MLXIP: variants seen among roughly 807,000 people sequenced by gnomAD.
MLXIP encodes MLX-interacting protein.
MLXIP carries 30 observed loss-of-function variants against 87.2 expected under a neutral mutation model. The ratio of observed to expected loss-of-function variants is 0.34; its 90% CI spans 0.26 to 0.47. The LOEUF (loss-of-function observed/expected upper bound fraction) is 0.47. Ranked by LOEUF, MLXIP falls within the 20% of genes least tolerant of loss-of-function variation. MLXIP has a pLI of 1.00. For missense variants in MLXIP, 1,002 were observed against 1,240.1 expected, an observed-to-expected ratio of 0.81 and a Z score of 2.88; for synonymous variants, 530 against 514.0, an observed-to-expected ratio of 1.03 and a Z score of -0.42.
At chr12:122,087,113 G>C (rs761871622) in intron 1 of MLXIP, among the ~76,000 whole-genome samples, 1 of 152,188 alleles carries the variant, frequency 6.6e-6, no homozygotes, top group Non-Finnish European at 1.5e-5. Context: ...GGCTAATTGA[G>C]AGGGAGCCTG....
rs1224302321 is a variant in MLXIP, at chr12:122,136,459, C to CAAAAAAAAAAAA, written c.2032+805_2032+816dup. 6 of 28,138 alleles carry CAAAAAAAAAAAA rather than the reference C, an allele frequency of 2.1e-4. 1 individual carries two copies. The highest frequency in any genetic ancestry group is 2.8e-4 in the African/African-American group (3 of 10,680). 1.7% of individuals were successfully genotyped at this position (28,138 alleles called of 1,614,324 possible). A position where few individuals can be genotyped will look rare whatever the true frequency, so the allele number is the denominator to read the frequency against. On this transcript the variant is annotated intron_variant, in intron 11 of 16. Transcript: ENST00000319080. ...GAAACCTTGTCCCTATCAAAAAATGCAAAAAAAAAAAAAAAAAAAAAAAGC... is the reference window on the plus strand; with the variant it reads ...GAAACCTTGTCCCTATCAAAAAATGCAAAAAAAAAAAAAAAAAAAAAAAAAAAAAAAAAAAGC...
intron 1 of MLXIP, among the ~76,000 whole-genome samples, chr12:122,100,473 T>C (rs1039149885): frequency 1.3e-5 from 2 of 152,260 alleles, no homozygotes; most frequent in African/African-American, 4.8e-5. Context: ...TTTTTGCTGC[T>C]TTCTTGAACA....
rs552791948 is a variant in MLXIP, at chr12:122,135,736, G to C, written c.2032+70G>C. 61 of 1,431,900 alleles carry C rather than the reference G, an allele frequency of 4.3e-5. No individual in the cohort carries two copies. Among genetic ancestry groups the C allele is most frequent in the African/African-American group, 4.0e-4 (28 of 69,546 alleles). 88.7% of individuals were successfully genotyped at this position (1,431,900 alleles called of 1,614,324 possible). A position where few individuals can be genotyped will look rare whatever the true frequency, so the allele number is the denominator to read the frequency against. ...TAACTGGGCCTGCCGTAGACCATGG[G>C]GGGTGCTTGCTGGGTCCCCAGGACG... On this transcript the variant is annotated intron_variant, in intron 11 of 16. Coordinates refer to ENST00000319080, the MANE Select transcript of MLXIP (RefSeq NM_014938.6). This position sits in a 1 kb window ranked among gnomAD's most constrained non-coding sequence, Gnocchi z 5.3.
At chr12:122,104,227 A>G (rs1302130098) in intron 1 of MLXIP, among the ~76,000 whole-genome samples, 1 of 152,240 alleles carries the variant, frequency 6.6e-6, no homozygotes, top group Non-Finnish European at 1.5e-5. Context: ...TGGCAAATGT[A>G]TGCACACATG....
intron 1 of MLXIP, among the ~76,000 whole-genome samples, chr12:122,107,320 T>A (rs1485059299): frequency 6.6e-6 from 1 of 152,138 alleles, no homozygotes; most frequent in Non-Finnish European, 1.5e-5. Flanking sequence ...GGGATGCATT[T>A]GCATTTTCCT....
intron 1 of MLXIP, among the ~76,000 whole-genome samples, chr12:122,096,628 G>C (rs1212455254): frequency 6.6e-6 from 1 of 152,250 alleles, no homozygotes; most frequent in Non-Finnish European, 1.5e-5. Flanking sequence ...GAGTCCGGGA[G>C]TGGAAGCTCC....
chr12:122,135,366 A>C lies in MLXIP; in HGVS notation c.1854+21A>C, dbSNP rs780500498. 6.2e-7 allele frequency: 1 copy of C among 1,607,728 alleles called. No individual in the cohort carries two copies. The highest frequency in any genetic ancestry group is 1.7e-5 in the Admixed American group (1 of 59,660). ...CCAGGGTGAGGAGGGCCCTAGGCAG[A>C]CCTGCAGTGTCCTTCTCACCCCGGA... On this transcript the variant is annotated intron_variant, in intron 10 of 16. Coordinates refer to ENST00000319080, the MANE Select transcript of MLXIP (RefSeq NM_014938.6). The surrounding 1 kb of genome is among the most constrained non-coding windows in gnomAD (Gnocchi z 5.3).
intron 1 of MLXIP, among the ~76,000 whole-genome samples, chr12:122,086,059 C>T (rs1041706149): frequency 2.0e-5 from 3 of 152,156 alleles, no homozygotes; most frequent in African/African-American, 7.2e-5. Context: ...AGGATGTCAG[C>T]TGCTGTTGGC....
chr12:122,084,144 TTGTGTGTGTGTGTG>T (rs746678463), intron 1 of MLXIP, among the ~76,000 whole-genome samples: 5,037 of 138,222 alleles, frequency 0.036, 235 homozygotes, highest in African/African-American at 0.12. Context: ...CTCAGCCAGA[TTGTGTGTGTGTGTG>T]TGTGTGTGTG....
rs1464027245 is a variant in MLXIP at position 122,093,671 on chromosome 12, T to G, written c.413+14405T>G. On this transcript the variant is annotated intron_variant, in intron 1 of 16. Coordinates refer to ENST00000319080, the MANE Select transcript of MLXIP (RefSeq NM_014938.6). ...TGGTGTGTGTGTTGATATGTGTGTG[T>G]GGTGTATGTGTGCGGTGTTGGTGTG... 1.4e-3 allele frequency among the ~76,000 whole-genome samples: 171 copies of G among 121,932 alleles called. 1 individual carries two copies. Among genetic ancestry groups the G allele is most frequent in the African/African-American group, 5.1e-3 (159 of 31,216 alleles). 80.0% of individuals were successfully genotyped at this position (121,932 alleles called of 152,430 possible).
At position 122,130,030 on chromosome 12, in the gene MLXIP, G is replaced by A; in HGVS notation, c.828G>A (p.Met276Ile). 6.2e-7 allele frequency: 1 copy of A among 1,614,012 alleles called. No homozygotes were observed. Among genetic ancestry groups the A allele is most frequent in the South Asian group, 1.1e-5 (1 of 91,076 alleles). Reference sequence around the variant, plus strand: ...AGGATCCCCTGCTGGACACAGACATGCTCATGTCGGAATTCAGCGACACCC... The same window carrying A: ...AGGATCCCCTGCTGGACACAGACATACTCATGTCGGAATTCAGCGACACCC... Reference protein sequence around the residue: ...MEEDPLLDTDMLMSEFSDTLF... With the variant: ...MEEDPLLDTDILMSEFSDTLF... Residue 276 changes from methionine to isoleucine, a missense_variant, in exon 6 of 17, where the codon ATG (methionine) becomes ATA (isoleucine). Transcript: ENST00000319080.
At chr12:122,103,175 A>ATATG (rs199580759) in intron 1 of MLXIP, among the ~76,000 whole-genome samples, 33 of 107,236 alleles carry the variant, frequency 3.1e-4, no homozygotes, top group African/African-American at 9.9e-4. Flanking sequence ...GGCTAATTTT[A>ATATG]TATGTATGTA....
rs1272899325 is a variant in MLXIP, at chr12:122,133,845, G to T, written c.1590G>T (p.Arg530=). ...PCGLALSPVT[R]PPQPRLTFVH... ...GGCTGGCACTGTCTCCTGTCACCCG[G>T]CCTCCCCAGCCACGGTTAACTTTTG... The change falls in exon 9 of 17, where the codon CGG becomes CGT. Residue 530 remains arginine, a synonymous_variant. Transcript: ENST00000319080. The surrounding 1 kb of genome is among the most constrained non-coding windows in gnomAD (Gnocchi z 4.9). 1 of 1,612,726 alleles carries T rather than the reference G, an allele frequency of 6.2e-7. No individual in the cohort carries two copies. The highest frequency in any genetic ancestry group is 8.5e-7 in the Non-Finnish European group (1 of 1,179,526).
chr12:122,131,065 A>T, intron 7 of MLXIP, 132 bp downstream of exon 7: 1 of 634,478 alleles, frequency 1.6e-6, no homozygotes, highest in Non-Finnish European at 2.9e-6. Flanking sequence ...ATTTTTTTTT[A>T]AACTGAACTG....
chr12:122,128,645 C>G (rs35429470), intron 3 of MLXIP: 5,853 of 157,466 alleles, frequency 0.037, 164 homozygotes, highest in South Asian at 0.075. Flanking sequence ...GGCTCCTTAT[C>G]TCTGGAGCTC....
At chr12:122,104,818 G>A (rs1952495511) in intron 1 of MLXIP, among the ~76,000 whole-genome samples, 1 of 151,988 alleles carries the variant, frequency 6.6e-6, no homozygotes, top group East Asian at 1.9e-4. Context: ...CTGACCTTGT[G>A]ATCTGCCCAC....
intron 1 of MLXIP, among the ~76,000 whole-genome samples, chr12:122,114,737 CTTTT>C (rs1278951793): frequency 5.8e-5 from 7 of 121,040 alleles, no homozygotes; most frequent in Admixed American, 8.9e-5. Context: ...AAGGTGACTT[CTTTT>C]TTTTTTTTTT....
At chr12:122,087,392 G>A (rs1196521113) in intron 1 of MLXIP, among the ~76,000 whole-genome samples, 2 of 152,138 alleles carry the variant, frequency 1.3e-5, no homozygotes. Flanking sequence ...AGAGTACTGG[G>A]GCTGGGGAGG....
chr12:122,093,537 T>C (rs1952283819), intron 1 of MLXIP, among the ~76,000 whole-genome samples: 1 of 126,816 alleles, frequency 7.9e-6, no homozygotes, highest in Non-Finnish European at 1.6e-5. Flanking sequence ...TGTGTGTTGG[T>C]TTGGGGGGTG....
Sources: allele counts gnomAD v4.1 joint callset (sites outside exome capture counted in the v4.1 genomes callset), GRCh38; gene constraint gnomAD v4.1.1; non-coding constraint Gnocchi (gnomAD v3.1); transcripts MANE v1.5; gene names NCBI Gene and HGNC (gene_info 2026-07-23, HGNC 2026-07-21).